The following TMEM132E variants were observed in gnomAD, a reference collection of about 807,000 sequenced individuals.
TMEM132E encodes the protein transmembrane protein 132E.
A neutral mutation model predicts 78.5 loss-of-function variants in TMEM132E; 49 were observed. That is an observed-to-expected ratio of 0.62 (90% CI 0.50 to 0.79). TMEM132E has a LOEUF of 0.79. Ranked by LOEUF, TMEM132E falls within the 30% of genes least tolerant of loss-of-function variation. The pLI is 0.00. For synonymous variants in TMEM132E, 715 were observed against 670.6 expected (o/e 1.07, Z -1.02); for missense variants, 1,403 against 1,470.9 (o/e 0.95, Z 0.75).
chr17:34,602,878 G>A (rs1292364391), intron 1 of TMEM132E, among the ~76,000 whole-genome samples: 1 of 152,360 alleles, frequency 6.6e-6, no homozygotes. Context: ...AGCTGGGGAA[G>A]CAGGTCCACG....
At chr17:34,601,772 C>T (rs960552057) in intron 1 of TMEM132E, among the ~76,000 whole-genome samples, 4 of 152,226 alleles carry the variant, frequency 2.6e-5, no homozygotes, top group African/African-American at 9.6e-5. Context: ...TACAGGGCTA[C>T]CTCTCCCTTC....
rs1253974903 is a variant in TMEM132E, at chr17:34,638,236, C to T, written c.*4C>T. 6.5e-7 allele frequency: 1 copy of T among 1,541,358 alleles called. No homozygotes were observed. Among genetic ancestry groups the T allele is most frequent in the Admixed American group, 1.9e-5 (1 of 51,746 alleles). The stretch of plus-strand genomic sequence containing the variant: ...CAGAATCAAAGAGATTGCATAGAGG[C>T]GCCAGCCGGAGTAGCAGGGACCCCC... On this transcript the variant is annotated 3_prime_UTR_variant, in exon 9 of 9. Transcript: ENST00000631683.
intron 1 of TMEM132E, among the ~76,000 whole-genome samples, chr17:34,593,939 A>T (rs1343990755): frequency 3.3e-5 from 5 of 152,196 alleles, no homozygotes; most frequent in Non-Finnish European, 7.3e-5. Context: ...TGTCCCTGAC[A>T]TGCCAGGCAC....
chr17:34,583,888 G>C (rs533458513), intron 1 of TMEM132E, among the ~76,000 whole-genome samples: 4 of 152,362 alleles, frequency 2.6e-5, no homozygotes, highest in Non-Finnish European at 5.9e-5. Flanking sequence ...CAGCCCATGA[G>C]ATAGGCAGAG....
intron 1 of TMEM132E, among the ~76,000 whole-genome samples, chr17:34,581,707 C>T (rs919920386): frequency 7.2e-5 from 11 of 151,894 alleles, no homozygotes; most frequent in South Asian, 2.1e-4. Context: ...AAATGGCCGG[C>T]TTAGGCGAGC....
intron 1 of TMEM132E, among the ~76,000 whole-genome samples, chr17:34,581,726 CG>C (rs1218851224): frequency 6.6e-6 from 1 of 151,956 alleles, no homozygotes; most frequent in African/African-American, 2.4e-5. Context: ...GCCCGGAGGG[CG>C]GGGGTCTGGG....
Position 34,637,418 on chromosome 17 carries a change from C to G in TMEM132E, c.2411C>G (p.Thr804Arg), listed in dbSNP as rs751186108. The change falls in exon 9 of 9, where the codon ACG becomes AGG. Residue 804 changes from threonine (T) to arginine (R), a missense_variant. Thr to Arg is a moderately conservative substitution (Grantham distance 71). This residue lies in a region of TMEM132E where 888 missense variants were observed against 952.8 expected (regional missense o/e 0.93). Transcript: ENST00000631683. ...QKTKRKSVLA[T>R]TPVGLRVHFG... ...ACCAAACGCAAGAGTGTGCTCGCCACGACCCCTGTGGGCCTGCGGGTGCAC... is the reference window on the plus strand; with the variant it reads ...ACCAAACGCAAGAGTGTGCTCGCCAGGACCCCTGTGGGCCTGCGGGTGCAC... 3.1e-6 allele frequency: 5 copies of G among 1,613,636 alleles called. No homozygotes were observed. The South Asian group carries it at 4.4e-5, about 14-fold the overall frequency.
chr17:34,626,915 C>G lies in TMEM132E; in HGVS notation c.856C>G (p.Gln286Glu). The G allele has an allele frequency of 3.1e-6, 5 of 1,613,624 alleles. No individual in the cohort carries two copies. The highest frequency in any genetic ancestry group is 4.2e-6 in the Non-Finnish European group (5 of 1,179,990). The change falls in exon 2 of 9, where the codon CAG (glutamine) becomes GAG (glutamate). Residue 286 changes from glutamine to glutamate, a missense_variant. Gln to Glu is a conservative substitution (Grantham distance 29, BLOSUM62 2). Around this residue, in one of 3 missense-constraint regions of TMEM132E, gnomAD observed 511 missense variants for 499.0 expected, o/e 1.02. Transcript: ENST00000631683. ...CCGCCCGCCCCCCAGGAGGACCCTG[C>G]AGGAGCACAGGCTGGACAGCAACCT... ...LFRPPPRRTL[Q>E]EHRLDSNLMI...
At chr17:34,629,320 G>C (rs914309985) in intron 4 of TMEM132E, 116 bp downstream of exon 4, 2 of 1,167,020 alleles carry the variant, frequency 1.7e-6, no homozygotes, top group Admixed American at 5.0e-5. Flanking sequence ...GTGTATATGT[G>C]AGACTTCCTG....
intron 8 of TMEM132E, 112 bp from the exon 9 acceptor site, chr17:34,637,065 C>A: frequency 1.1e-6 from 1 of 910,936 alleles, no homozygotes; most frequent in Non-Finnish European, 1.7e-6. Context: ...GCTGAGAATA[C>A]AGCAGGGAGC....
At chr17:34,620,721 A>G (rs1187812433) in intron 1 of TMEM132E, among the ~76,000 whole-genome samples, 2 of 152,240 alleles carry the variant, frequency 1.3e-5, no homozygotes, top group Non-Finnish European at 2.9e-5. Context: ...AGCTGGCCAG[A>G]GCAGAACAGT....
chr17:34,619,808 T>G (rs1906900583), intron 1 of TMEM132E, among the ~76,000 whole-genome samples: 1 of 152,242 alleles, frequency 6.6e-6, no homozygotes, highest in Non-Finnish European at 1.5e-5. Context: ...GGTTGATTCC[T>G]ATATTCAGGC....
intron 1 of TMEM132E, among the ~76,000 whole-genome samples, chr17:34,592,260 C>T (rs1905897975): frequency 6.6e-6 from 1 of 152,188 alleles, no homozygotes; most frequent in Non-Finnish European, 1.5e-5. Flanking sequence ...GCCCCATGTT[C>T]CCAGTGCTTC....
intron 1 of TMEM132E, among the ~76,000 whole-genome samples, chr17:34,618,507 T>C (rs1906855542): frequency 2.0e-5 from 3 of 152,054 alleles, no homozygotes; most frequent in Non-Finnish European, 2.9e-5. Flanking sequence ...GCTGGAATTA[T>C]AGGAGTAAGC....
At chr17:34,587,499 G>T (rs965551635) in intron 1 of TMEM132E, among the ~76,000 whole-genome samples, 1 of 152,144 alleles carries the variant, frequency 6.6e-6, no homozygotes, top group Non-Finnish European at 1.5e-5. Flanking sequence ...TATTCCTTGC[G>T]TGGTGAGGGT....
chr17:34,630,064 C>T lies in TMEM132E; in HGVS notation c.1395C>T (p.Val465=), dbSNP rs1416562823. 1.9e-6 allele frequency: 3 copies of T among 1,613,572 alleles called. No homozygotes were observed. The highest frequency in any genetic ancestry group is 3.3e-5 in the Admixed American group (2 of 59,986). ...ILTGRTVAIP[V]KVIAIEVNGL... ...CTGGCCGGACAGTGGCCATCCCTGT[C>T]AAGGTCATTGCCATCGAGGTGAATG... Residue 465 remains valine, a synonymous_variant, in exon 5 of 9, where the codon GTC becomes GTT. Transcript: ENST00000631683.
chr17:34,632,907 G>T lies in TMEM132E; in HGVS notation c.1686G>T (p.Arg562=). Reference sequence around the variant, plus strand: ...GGAGGGTACCTATCCTCCCCGACCGGAGGTACAGCCCCTCTCCCATGGCGG... The same window carrying T: ...GGAGGGTACCTATCCTCCCCGACCGTAGGTACAGCCCCTCTCCCATGGCGG... The part of the protein sequence containing the change: ...KGWRVPILPD[R]RSVRESEDED... Residue 562 remains arginine, a splice_region_variant and synonymous_variant, in exon 6 of 9, where the codon CGG becomes CGT. Transcript: ENST00000631683. The T allele has an allele frequency of 6.2e-7, 1 of 1,614,122 alleles. No individual in the cohort carries two copies. The highest frequency in any genetic ancestry group is 8.5e-7 in the Non-Finnish European group (1 of 1,180,022).
At chr17:34,632,167 C>T (rs1041932021) in intron 5 of TMEM132E, among the ~76,000 whole-genome samples, 7 of 152,196 alleles carry the variant, frequency 4.6e-5, no homozygotes, top group East Asian at 1.9e-4. Flanking sequence ...CCCCCCTCAC[C>T]GGAAATTAAC....
At position 34,581,062 on chromosome 17, in the gene TMEM132E, GC is replaced by G; in HGVS notation, c.-10del. On this transcript the variant is annotated 5_prime_UTR_variant, in exon 1 of 9. Transcript: ENST00000631683. ...ACTGTTGCTCTCTCGGACCCCTCCC[GC>G]CCCCGCCTCGGCCATGGCCCCGGGG... is the stretch of plus-strand genomic sequence containing the variant. 3 of 1,539,210 alleles carry G rather than the reference GC, an allele frequency of 1.9e-6. No individual in the cohort carries two copies. Among genetic ancestry groups the G allele is most frequent in the East Asian group, 2.5e-5 (1 of 39,942 alleles).
Sources: allele counts gnomAD v4.1 joint callset (sites outside exome capture counted in the v4.1 genomes callset), GRCh38; gene constraint gnomAD v4.1.1; regional missense constraint gnomAD v4.1.1; transcripts MANE v1.5; gene names NCBI Gene and HGNC (gene_info 2026-07-23, HGNC 2026-07-21).